The following SLC33A1 variants were observed in gnomAD, a reference collection of about 807,000 sequenced individuals.
SLC33A1 encodes the protein solute carrier family 33 member 1.
A neutral mutation model predicts 50.0 loss-of-function variants in SLC33A1; 20 were observed. The observed-to-expected ratio is 0.40, with a 90% CI of 0.28 to 0.58. SLC33A1 has a LOEUF of 0.58. Ranked by LOEUF, SLC33A1 falls within the 20% of genes least tolerant of loss-of-function variation. SLC33A1 has a pLI of 0.44. For missense variants in SLC33A1, 476 were observed against 657.0 expected (o/e 0.72, Z 3.01); for synonymous variants, 265 against 251.8 (o/e 1.05, Z -0.50).
intron 1 of SLC33A1, among the ~76,000 whole-genome samples, chr3:155,848,881 T>C (rs774403593): frequency 7.2e-5 from 11 of 152,164 alleles, no homozygotes; most frequent in Admixed American, 3.9e-4. Context: ...CAATCAAAAC[T>C]GTTAATTACA....
intron 2 of SLC33A1, 67 bp from the exon 3 acceptor site, chr3:155,834,108 T>G: frequency 7.8e-7 from 1 of 1,286,094 alleles, no homozygotes; most frequent in Non-Finnish European, 1.1e-6. Context: ...CATGCATATG[T>G]AAGTTCTTCA....
chr3:155,852,556 A>G (rs1235518437), intron 1 of SLC33A1, among the ~76,000 whole-genome samples: 1 of 152,210 alleles, frequency 6.6e-6, no homozygotes, highest in Non-Finnish European at 1.5e-5. Context: ...GCCTCAGTGC[A>G]CTTTTACTTT....
chr3:155,841,232 G>GT (rs1408432496), intron 2 of SLC33A1, among the ~76,000 whole-genome samples: 1 of 151,808 alleles, frequency 6.6e-6, no homozygotes, highest in Non-Finnish European at 1.5e-5. Flanking sequence ...TACCCAGATA[G>GT]TTTTTTTATT....
rs1752149617 is a variant in SLC33A1 at position 155,824,062 on chromosome 3, C to A, written c.*4148G>T. 2 of 152,124 alleles carry A rather than the reference C, an allele frequency of 1.3e-5. No individual in the cohort carries two copies. The highest frequency in any genetic ancestry group is 2.9e-5 in the Non-Finnish European group (2 of 68,040). The allele number at this position is 152,124 out of a possible 1,614,324, so 9.4% of individuals were successfully genotyped here. A position where few individuals can be genotyped will look rare whatever the true frequency, so the allele number is the denominator to read the frequency against. ...CCTAAGAGAAAATAATTGTGCCTCGCTATCTACCAAAGACATTGGTTAAAA... is the reference window on the plus strand; with the variant it reads ...CCTAAGAGAAAATAATTGTGCCTCGATATCTACCAAAGACATTGGTTAAAA... On this transcript the variant is annotated 3_prime_UTR_variant, in exon 6 of 6. Transcript: ENST00000643144.
At chr3:155,847,751 AAAATAAATAAATAAAT>A (rs10652179) in intron 1 of SLC33A1, among the ~76,000 whole-genome samples, 4 of 149,100 alleles carry the variant, frequency 2.7e-5, no homozygotes, top group African/African-American at 5.1e-5. Flanking sequence ...TCCGTCTCAA[AAAATAAATAAATAAAT>A]AAATAAATAA....
Position 155,827,461 on chromosome 3 carries a change from G to C in SLC33A1, c.*749C>G, listed in dbSNP as rs1752235574. ...TGACAGAAAACATATATAAGCTTAG[G>C]GTAAAAGTTTATAAGGAATCAAAAT... On this transcript the variant is annotated 3_prime_UTR_variant, in exon 6 of 6. Transcript: ENST00000643144. 6.6e-6 allele frequency: 1 copy of C among 152,068 alleles called. No individual in the cohort carries two copies. The highest frequency in any genetic ancestry group is 2.4e-5 in the African/African-American group (1 of 41,394). 9.4% of individuals were successfully genotyped at this position (152,068 alleles called of 1,614,324 possible).
Position 155,854,086 on chromosome 3 carries a change from G to A in SLC33A1, c.-89C>T. Reference sequence around the variant, plus strand: ...TCCCAGGTCCAAGGCTGTCGCGCTGGACCAGGGTTTCGGTGGTTCACGGGA... The same window carrying A: ...TCCCAGGTCCAAGGCTGTCGCGCTGAACCAGGGTTTCGGTGGTTCACGGGA... On this transcript the variant is annotated 5_prime_UTR_variant, in exon 1 of 6. Coordinates refer to ENST00000643144, the MANE Select transcript of SLC33A1 (RefSeq NM_004733.4). The A allele has an allele frequency of 1.8e-6, 2 of 1,132,884 alleles. No homozygotes were observed. The highest frequency in any genetic ancestry group is 2.5e-6 in the Non-Finnish European group (2 of 812,846). 70.2% of individuals were successfully genotyped at this position (1,132,884 alleles called of 1,614,324 possible). A position where few individuals can be genotyped will look rare whatever the true frequency, so the allele number is the denominator to read the frequency against.
At position 155,828,577 on chromosome 3, in the gene SLC33A1, T is replaced by A. The variant is rs184354810; in HGVS notation, c.1483-200A>T. 2.5e-4 allele frequency among the ~76,000 whole-genome samples: 38 copies of A among 152,294 alleles called. No individual in the cohort carries two copies. The East Asian group carries it at 6.6e-3, about 26-fold the overall frequency. On this transcript the variant is annotated intron_variant, in intron 5 of 5. Transcript: ENST00000643144. ...AACAGGATTAAAAACAATTTTCAGT[T>A]CTTGCTGTAAACAATACTCATTTTC...
chr3:155,854,107 C>G lies in SLC33A1; in HGVS notation c.-110G>C. On this transcript the variant is annotated 5_prime_UTR_variant, in exon 1 of 6. Coordinates refer to ENST00000643144, the MANE Select transcript of SLC33A1 (RefSeq NM_004733.4). ...GCTGGACCAGGGTTTCGGTGGTTCA[C>G]GGGATGGTGGCAGGGCTCAGAGCGA... The G allele has an allele frequency of 1.2e-6, 1 of 855,598 alleles. No individual in the cohort carries two copies. The highest frequency in any genetic ancestry group is 1.8e-6 in the Non-Finnish European group (1 of 569,578). 53.0% of individuals were successfully genotyped at this position (855,598 alleles called of 1,614,324 possible). A position where few individuals can be genotyped will look rare whatever the true frequency, so the allele number is the denominator to read the frequency against.
At position 155,828,179 on chromosome 3, in the gene SLC33A1, T is replaced by C. The variant is rs778007844; in HGVS notation, c.*31A>G. On this transcript the variant is annotated 3_prime_UTR_variant, in exon 6 of 6. Coordinates refer to ENST00000643144, the MANE Select transcript of SLC33A1 (RefSeq NM_004733.4). ...CTCCGAATTAAAACTAAACTACAATTACCTTGCTAGAATGTCCAGTAGCAT... is the reference window on the plus strand; with the variant it reads ...CTCCGAATTAAAACTAAACTACAATCACCTTGCTAGAATGTCCAGTAGCAT... 16 of 1,511,228 alleles carry C rather than the reference T, an allele frequency of 1.1e-5. No individual in the cohort carries two copies. Among genetic ancestry groups the C allele is most frequent in the Non-Finnish European group, 1.4e-5 (15 of 1,086,606 alleles). 93.6% of individuals were successfully genotyped at this position (1,511,228 alleles called of 1,614,324 possible).
intron 2 of SLC33A1, among the ~76,000 whole-genome samples, chr3:155,838,937 G>A (rs1157685810): frequency 1.3e-5 from 2 of 151,638 alleles, no homozygotes; most frequent in Non-Finnish European, 2.9e-5. Flanking sequence ...TCACCCACCT[G>A]AGGTCAGTAG....
At chr3:155,835,977 T>A (rs564683961) in intron 2 of SLC33A1, among the ~76,000 whole-genome samples, 10 of 145,682 alleles carry the variant, frequency 6.9e-5, no homozygotes, top group African/African-American at 2.3e-4. Flanking sequence ...TATCACACAA[T>A]TTTTTTTTTT....
intron 1 of SLC33A1, 141 bp from the exon 2 acceptor site, chr3:155,842,760 G>C: frequency 2.0e-6 from 1 of 504,830 alleles, no homozygotes; most frequent in Non-Finnish European, 3.3e-6. Context: ...TGTAATCCTA[G>C]CACTTTGGGA....
At chr3:155,832,979 C>T (rs1326909313) in intron 4 of SLC33A1, among the ~76,000 whole-genome samples, 2 of 151,642 alleles carry the variant, frequency 1.3e-5, no homozygotes, top group East Asian at 2.0e-4. Flanking sequence ...CAGCCGGGCG[C>T]AGTGGCTTGC....
Position 155,824,232 on chromosome 3 carries a change from T to C in SLC33A1, c.*3978A>G, listed in dbSNP as rs1343097331. On this transcript the variant is annotated 3_prime_UTR_variant, in exon 6 of 6. Transcript: ENST00000643144. ...TAAGGTAAAATACATTTTGGAAATC[T>C]GCATGGAATGTTCCCAACAAGTTAT... is the stretch of plus-strand genomic sequence containing the variant. The C allele has an allele frequency of 2.0e-5, 3 of 152,258 alleles. No homozygotes were observed. Among genetic ancestry groups the C allele is most frequent in the African/African-American group, 7.2e-5 (3 of 41,468 alleles). 9.4% of individuals were successfully genotyped at this position (152,258 alleles called of 1,614,324 possible). A position where few individuals can be genotyped will look rare whatever the true frequency, so the allele number is the denominator to read the frequency against.
intron 1 of SLC33A1, among the ~76,000 whole-genome samples, chr3:155,849,915 T>G (rs943185484): frequency 2.4e-5 from 2 of 81,792 alleles, no homozygotes; most frequent in Admixed American, 2.7e-4. Flanking sequence ...CTCAGAATAA[T>G]AATAATAATA....
chr3:155,835,942 A>G (rs2109317016), intron 2 of SLC33A1, among the ~76,000 whole-genome samples: 1 of 150,702 alleles, frequency 6.6e-6, no homozygotes, highest in East Asian at 1.9e-4. Flanking sequence ...CTCAGGTACT[A>G]CCCTAGACCA....
intron 1 of SLC33A1, among the ~76,000 whole-genome samples, chr3:155,851,704 C>T (rs191824114): frequency 1.9e-4 from 29 of 152,236 alleles, no homozygotes; most frequent in Admixed American, 1.2e-3. Flanking sequence ...AGGTGTGAGC[C>T]ACTGTGCCCG....
chr3:155,835,317 G>A (rs969997445), intron 2 of SLC33A1, among the ~76,000 whole-genome samples: 2 of 152,200 alleles, frequency 1.3e-5, no homozygotes, highest in Non-Finnish European at 2.9e-5. Flanking sequence ...TTTTCAAGAA[G>A]TGTGAAGTTA....
Sources: allele counts gnomAD v4.1 joint callset (sites outside exome capture counted in the v4.1 genomes callset), GRCh38; gene constraint gnomAD v4.1.1; transcripts MANE v1.5; gene names NCBI Gene and HGNC (gene_info 2026-07-23, HGNC 2026-07-21).